Variants in GRIP2 observed in about 807,000 individuals in gnomAD.
The protein encoded by GRIP2 is glutamate receptor interacting protein 2.
A neutral mutation model predicts 108.3 loss-of-function variants in GRIP2; 58 were observed. The observed-to-expected ratio is 0.54, with a 90% confidence interval of 0.43 to 0.67. The LOEUF (loss-of-function observed/expected upper bound fraction) is 0.67. Among genes scored for constraint, GRIP2 ranks in the 30% least tolerant of loss-of-function variants. The pLI is 0.00. For missense variants in GRIP2, 1,278 were observed against 1,430.6 expected, an observed-to-expected ratio of 0.89 and a Z score of 1.72; for synonymous variants, 586 against 598.2, an observed-to-expected ratio of 0.98 and a Z score of 0.30.
intron 3 of GRIP2, 54 bp from the exon 4 acceptor site, chr3:14,524,592 C>T: frequency 6.6e-7 from 1 of 1,518,914 alleles, no homozygotes; most frequent in Non-Finnish European, 8.9e-7. Flanking sequence ...CCATGCAGTC[C>T]TGGCATTCAC....
rs1436788111 is a variant in GRIP2 at position 14,511,202 on chromosome 3, C to T, written c.1896G>A (p.Leu632=). The change falls in exon 16 of 24, where the codon CTG becomes CTA. Residue 632 remains leucine (L), a synonymous_variant. Transcript: ENST00000621039. The surrounding 1 kb of genome is among the most constrained non-coding windows in gnomAD (Gnocchi z 4.1). ...AVQILRQCED[L]VKLKIRKDED... is the part of the protein sequence containing the mutation. ...CGTCCTTCCGGATCTTCAGCTTCAC[C>T]AGGTCCTCGCACTGCCGCAGGATTT... The T allele has an allele frequency of 2.5e-6, 4 of 1,613,984 alleles. No homozygotes were observed. The African/African-American group carries it at 4.0e-5, about 16-fold the overall frequency.
At chr3:14,503,533 C>G (rs779858474) in intron 21 of GRIP2, 33 bp downstream of exon 21, 21 of 1,505,194 alleles carry the variant, frequency 1.4e-5, no homozygotes, top group Non-Finnish European at 1.9e-5. Context: ...GCCCCGGGTG[C>G]CCCATGCAGG....
chr3:14,570,976 C>G, the GRIP2 span, among the ~76,000 whole-genome samples: 4 of 152,094 alleles, frequency 2.6e-5, no homozygotes, highest in Non-Finnish European at 5.9e-5. Flanking sequence ...TTTGTGGTGG[C>G]GGGGAGCTGT....
chr3:14,509,884 C>A lies in GRIP2; in HGVS notation c.2014G>T (p.Gly672Cys). ...YGGPLGITISGTEEPFDPIVI... is the reference protein window; with the variant it reads ...YGGPLGITISCTEEPFDPIVI... Reference sequence around the variant, plus strand: ...ATGGGGTCAAAAGGTTCCTCCGTGCCCGAAATGGTGATGCCCAGGGGACCC... The same window carrying A: ...ATGGGGTCAAAAGGTTCCTCCGTGCACGAAATGGTGATGCCCAGGGGACCC... Residue 672 changes from glycine to cysteine, a missense_variant, in exon 17 of 24, where the codon GGC (glycine) becomes TGC (cysteine). Coordinates refer to ENST00000621039, the MANE Select transcript of GRIP2 (RefSeq NM_001080423.4). 1 of 1,545,358 alleles carries A rather than the reference C, an allele frequency of 6.5e-7. No homozygotes were observed. The highest frequency in any genetic ancestry group is 8.7e-7 in the Non-Finnish European group (1 of 1,144,318).
At chr3:14,544,417 T>A (rs1028904641), upstream of GRIP2, among the ~76,000 whole-genome samples, 2 of 152,026 alleles carry the variant, frequency 1.3e-5, no homozygotes, top group African/African-American at 4.8e-5. Context: ...GCTGCGCAGA[T>A]GGGAAAACTG....
Position 14,520,557 on chromosome 3 carries a change from A to G in GRIP2, c.713-20T>C, listed in dbSNP as rs373026209. On this transcript the variant is annotated intron_variant, in intron 7 of 23. Coordinates refer to ENST00000621039, the MANE Select transcript of GRIP2 (RefSeq NM_001080423.4). Reference sequence around the variant, plus strand: ...CCGTGTCTGGCATGACGGAGAAAAAAAGTTTGAAATGCAAATACCGAGCAC... The same window carrying G: ...CCGTGTCTGGCATGACGGAGAAAAAGAGTTTGAAATGCAAATACCGAGCAC... 9.9e-6 allele frequency: 16 copies of G among 1,613,118 alleles called. No homozygotes were observed. Among genetic ancestry groups the G allele is most frequent in the African/African-American group, 1.3e-5 (1 of 74,898 alleles).
chr3:14,580,833 G>A, the GRIP2 span, among the ~76,000 whole-genome samples: 1 of 152,182 alleles, frequency 6.6e-6, no homozygotes, highest in Non-Finnish European at 1.5e-5. Flanking sequence ...TAAATCAACA[G>A]ACTTTTGAGT....
At chr3:14,508,139 C>T (rs1693982473) in intron 17 of GRIP2, among the ~76,000 whole-genome samples, 1 of 152,172 alleles carries the variant, frequency 6.6e-6, no homozygotes, top group African/African-American at 2.4e-5. Context: ...CAGCAGACAC[C>T]CTTGGTAGCC....
At chr3:14,598,654 C>T in the GRIP2 span, among the ~76,000 whole-genome samples, 4 of 151,572 alleles carry the variant, frequency 2.6e-5, no homozygotes, top group Non-Finnish European at 4.4e-5. Context: ...GCCCCTCCTT[C>T]AAGGGCTCCC....
the GRIP2 span, among the ~76,000 whole-genome samples, chr3:14,599,975 G>T: frequency 6.6e-6 from 1 of 152,136 alleles, no homozygotes; most frequent in South Asian, 2.1e-4. Flanking sequence ...GAAGATGACT[G>T]CTGTTTAAGA....
chr3:14,545,708 T>C (rs1043170244), upstream of GRIP2, among the ~76,000 whole-genome samples: 1 of 152,220 alleles, frequency 6.6e-6, no homozygotes, highest in Non-Finnish European at 1.5e-5. Context: ...AGGTCTTTGT[T>C]GAGAAGCTCA....
the GRIP2 span, among the ~76,000 whole-genome samples, chr3:14,565,966 G>A: frequency 6.6e-6 from 1 of 152,232 alleles, no homozygotes; most frequent in African/African-American, 2.4e-5. Flanking sequence ...CTAGTGGCAG[G>A]GCCATCTCTG....
At chr3:14,600,374 A>T in the GRIP2 span, among the ~76,000 whole-genome samples, 1 of 152,248 alleles carries the variant, frequency 6.6e-6, no homozygotes, top group Non-Finnish European at 1.5e-5. Flanking sequence ...CTGCCCCTCC[A>T]ACTTTACAGG....
the GRIP2 span, among the ~76,000 whole-genome samples, chr3:14,564,473 G>A: frequency 6.6e-6 from 1 of 152,240 alleles, no homozygotes; most frequent in African/African-American, 2.4e-5. Flanking sequence ...GCCTGCCGAG[G>A]GGGTTCAGAG....
At chr3:14,562,087 A>G in the GRIP2 span, among the ~76,000 whole-genome samples, 1 of 152,260 alleles carries the variant, frequency 6.6e-6, no homozygotes, top group African/African-American at 2.4e-5. Flanking sequence ...GCTGCGAAAA[A>G]TAAACAGAGC....
At chr3:14,552,091 C>T (rs918812761) in intron 1 of GRIP2, among the ~76,000 whole-genome samples, 2 of 152,164 alleles carry the variant, frequency 1.3e-5, no homozygotes, top group East Asian at 1.9e-4. Context: ...ATCTGGTCTC[C>T]GAGCCACCAT....
the GRIP2 span, among the ~76,000 whole-genome samples, chr3:14,578,602 A>G: frequency 6.6e-6 from 1 of 152,140 alleles, no homozygotes; most frequent in Non-Finnish European, 1.5e-5. Flanking sequence ...CTGTAATCCC[A>G]GCTACTCGGG....
intron 11 of GRIP2, among the ~76,000 whole-genome samples, chr3:14,516,253 G>A (rs927129270): frequency 1.3e-5 from 2 of 152,128 alleles, no homozygotes; most frequent in African/African-American, 4.8e-5. Context: ...CTGCCAGGGA[G>A]TGTAGAACCA....
At chr3:14,567,056 G>A in the GRIP2 span, among the ~76,000 whole-genome samples, 18 of 152,148 alleles carry the variant, frequency 1.2e-4, no homozygotes, top group African/African-American at 3.1e-4. Flanking sequence ...ATGAATGAAC[G>A]TCAACTGCCC....
Sources: gnomAD v4.1 joint callset for allele counts (sites outside exome capture counted in the v4.1 genomes callset) on GRCh38, gnomAD v4.1.1 for gene constraint, Gnocchi (gnomAD v3.1) non-coding constraint, MANE v1.5 for transcripts, NCBI Gene and HGNC (gene_info 2026-07-23, HGNC 2026-07-21) for gene names.